Variants in CDH18 observed in about 807,000 individuals in gnomAD.
CDH18 encodes the protein cadherin-18.
A neutral mutation model predicts 67.9 loss-of-function variants in CDH18; 31 were observed. That is an observed-to-expected ratio of 0.46 (90% confidence interval 0.34 to 0.62). The LOEUF is 0.62. Ranked by LOEUF, CDH18 falls within the 20% of genes least tolerant of loss-of-function variation. The pLI is 0.01. For missense variants in CDH18, 890 were observed against 975.5 expected (o/e 0.91, Z 1.17); for synonymous variants, 362 against 347.2 (o/e 1.04, Z -0.48).
chr5:20,388,426 T>A (rs1015117285), intron 1 of CDH18, among the ~76,000 whole-genome samples: 1 of 100,184 alleles, frequency 1.0e-5, no homozygotes, highest in African/African-American at 4.3e-5. Flanking sequence ...CCCTTTATCA[T>A]TTTTTTATTG....
At chr5:20,009,382 A>G (rs1580016441) in intron 2 of CDH18, among the ~76,000 whole-genome samples, 1 of 152,090 alleles carries the variant, frequency 6.6e-6, no homozygotes, top group South Asian at 2.1e-4. Flanking sequence ...AATGTAATAA[A>G]TGTACTATGT....
chr5:19,798,113 T>C (rs1297097133), intron 3 of CDH18, among the ~76,000 whole-genome samples: 4 of 152,072 alleles, frequency 2.6e-5, no homozygotes, highest in Non-Finnish European at 5.9e-5. Context: ...TTCAGTATCA[T>C]AACTATAATG....
At chr5:20,380,186 T>C (rs1240701056) in intron 1 of CDH18, among the ~76,000 whole-genome samples, 1 of 152,108 alleles carries the variant, frequency 6.6e-6, no homozygotes, top group East Asian at 1.9e-4. Context: ...TGGGTCAAAA[T>C]TGTGTTAGAA....
chr5:20,444,425 A>G (rs901293705), intron 1 of CDH18, among the ~76,000 whole-genome samples: 1 of 152,148 alleles, frequency 6.6e-6, no homozygotes, highest in African/African-American at 2.4e-5. Context: ...AATCCCAGCT[A>G]CTTGGGAGGC....
chr5:19,840,332 A>G (rs1052868032), intron 2 of CDH18, among the ~76,000 whole-genome samples: 2 of 151,838 alleles, frequency 1.3e-5, no homozygotes, highest in Non-Finnish European at 2.9e-5. Context: ...TGTAGGTTAT[A>G]CTATGATTGG....
At chr5:19,885,475 G>A (rs531502372) in intron 2 of CDH18, among the ~76,000 whole-genome samples, 4 of 152,182 alleles carry the variant, frequency 2.6e-5, no homozygotes, top group African/African-American at 4.8e-5. Flanking sequence ...AAAATACATC[G>A]GTTAAAAAAT....
intron 2 of CDH18, among the ~76,000 whole-genome samples, chr5:20,082,958 T>A (rs1023641520): frequency 1.3e-5 from 2 of 152,194 alleles, no homozygotes; most frequent in African/African-American, 4.8e-5. Flanking sequence ...AGGCAGTAAA[T>A]ATTCGTGATC....
At chr5:19,755,448 T>C (rs12654333) in intron 3 of CDH18, among the ~76,000 whole-genome samples, 122 of 10,556 alleles carry the variant, frequency 0.012, 12 homozygotes, top group East Asian at 0.1. Flanking sequence ...TATATATATA[T>C]ATATATATAT....
intron 9 of CDH18, among the ~76,000 whole-genome samples, chr5:19,531,298 C>T (rs1748578416): frequency 6.6e-6 from 1 of 151,860 alleles, no homozygotes; most frequent in South Asian, 2.1e-4. Context: ...TAAAATTTTG[C>T]AAAATCCTGA....
chr5:20,001,410 A>G lies in CDH18; in HGVS notation c.-517-9396T>C, dbSNP rs186823965. 5.3e-5 allele frequency among the ~76,000 whole-genome samples: 8 copies of G among 152,116 alleles called. No individual in the cohort carries two copies. The East Asian group carries it at 1.5e-3, about 29-fold the overall frequency. ...TATAATAAATGCTATTTATATTACTACCTTGAAAAAAAAACTTGGAACATG... is the reference window on the plus strand; with the variant it reads ...TATAATAAATGCTATTTATATTACTGCCTTGAAAAAAAAACTTGGAACATG... On this transcript the variant is annotated intron_variant, in intron 2 of 14. Coordinates refer to the CDH18 transcript ENST00000507958.
chr5:19,824,755 T>A (rs917353547), intron 3 of CDH18, among the ~76,000 whole-genome samples: 3 of 152,240 alleles, frequency 2.0e-5, no homozygotes, highest in Middle Eastern at 3.4e-3. Context: ...AACCTTCTGT[T>A]GTCTTGGAAA....
intron 2 of CDH18, among the ~76,000 whole-genome samples, chr5:20,170,281 G>A (rs1736595028): frequency 1.3e-5 from 2 of 150,684 alleles, no homozygotes; most frequent in South Asian, 4.2e-4. Context: ...TGTGCTGTTT[G>A]GTTTTCTGCT....
intron 2 of CDH18, among the ~76,000 whole-genome samples, chr5:20,065,363 T>G (rs2150515632): frequency 6.6e-6 from 1 of 152,098 alleles, no homozygotes; most frequent in Admixed American, 6.6e-5. Flanking sequence ...TTCTAAATAA[T>G]TTAATTATGT....
intron 2 of CDH18, among the ~76,000 whole-genome samples, chr5:20,027,649 A>AT (rs1739027425): frequency 6.6e-6 from 1 of 152,208 alleles, no homozygotes; most frequent in South Asian, 2.1e-4. Context: ...GGTAATGAGG[A>AT]TGTTAAACTA....
rs1230381091 is a variant in CDH18, at chr5:20,414,810, C to T, written c.-579-159305G>A. 2.6e-5 allele frequency among the ~76,000 whole-genome samples: 4 copies of T among 152,028 alleles called. No homozygotes were observed. In the East Asian group the frequency reaches 5.8e-4, roughly 22 times the overall value. ...GTGAGAATGGCTATCATCAAAACAA[C>T]AACAGCAATAGCAACCACAGCAAAA... On this transcript the variant is annotated intron_variant, in intron 1 of 14. Coordinates refer to the CDH18 transcript ENST00000507958.
At chr5:20,522,525 A>G (rs1755810471) in intron 1 of CDH18, among the ~76,000 whole-genome samples, 1 of 152,178 alleles carries the variant, frequency 6.6e-6, no homozygotes, top group African/African-American at 2.4e-5. Flanking sequence ...ACATATTTAT[A>G]ATAGTGAGGA....
At chr5:20,566,700 G>A (rs1205576211) in intron 1 of CDH18, among the ~76,000 whole-genome samples, 1 of 151,740 alleles carries the variant, frequency 6.6e-6, no homozygotes, top group African/African-American at 2.4e-5. Context: ...AAAGCCAGGA[G>A]CTTACATGTG....
At chr5:20,011,107 C>T (rs992605753) in intron 2 of CDH18, among the ~76,000 whole-genome samples, 4 of 152,126 alleles carry the variant, frequency 2.6e-5, no homozygotes, top group Non-Finnish European at 5.9e-5. Flanking sequence ...ATTATCTCTC[C>T]CCTAAATCAA....
chr5:20,444,870 C>A lies in CDH18; in HGVS notation c.-580+130592G>T, dbSNP rs77992195. On this transcript the variant is annotated intron_variant, in intron 1 of 14. Coordinates refer to the CDH18 transcript ENST00000507958. ...TATAAGAGAGATGCTTCCAGTCTGGCAGTCAAGTATAAATTTGAGTCATTC... is the reference window on the plus strand; with the variant it reads ...TATAAGAGAGATGCTTCCAGTCTGGAAGTCAAGTATAAATTTGAGTCATTC... 2.0e-3 allele frequency among the ~76,000 whole-genome samples: 311 copies of A among 151,710 alleles called. 3 individuals carry two copies. Among genetic ancestry groups the A allele is most frequent in the African/African-American group, 7.0e-3 (288 of 41,340 alleles).
Sources: allele counts gnomAD v4.1 joint callset (sites outside exome capture counted in the v4.1 genomes callset), GRCh38; gene constraint gnomAD v4.1.1; transcripts MANE v1.5; gene names NCBI Gene and HGNC (gene_info 2026-07-23, HGNC 2026-07-21).